PKD1L3: variants seen among roughly 807,000 people sequenced by gnomAD.
PKD1L3 encodes polycystin 1 like 3, transient receptor potential channel interacting.
PKD1L3 carries 239 observed loss-of-function variants against 184.1 expected under a neutral mutation model. The ratio of observed to expected loss-of-function variants is 1.30; its 90% CI spans 1.17 to 1.45. The LOEUF (loss-of-function observed/expected upper bound fraction) is 1.45, where lower values mean the gene tolerates loss of function less well. PKD1L3 is among the 40% of genes most tolerant of loss of function. The pLI is 0.00. For missense variants in PKD1L3, 2,660 were observed against 2,067.2 expected (o/e 1.29, Z -5.56); for synonymous variants, 996 against 778.8 (o/e 1.28, Z -4.64).
intron 5 of PKD1L3, among the ~76,000 whole-genome samples, chr16:71,985,485 C>T (rs1261518660): frequency 6.6e-6 from 1 of 152,186 alleles, no homozygotes; most frequent in Non-Finnish European, 1.5e-5. Context: ...GTGGCACAAT[C>T]ATGGCTCACT....
intron 5 of PKD1L3, among the ~76,000 whole-genome samples, chr16:71,985,203 A>T (rs533557031): frequency 6.6e-6 from 1 of 150,752 alleles, no homozygotes; most frequent in South Asian, 2.1e-4. Context: ...AGAAAAACAA[A>T]AACAAAAACA....
In PKD1L3 at chr16:71,942,745, T is replaced by C; in HGVS notation, c.4139A>G (p.Glu1380Gly). 6.4e-7 allele frequency: 1 copy of C among 1,551,738 alleles called. No individual in the cohort carries two copies. Among genetic ancestry groups the C allele is most frequent in the Non-Finnish European group, 8.7e-7 (1 of 1,147,012 alleles). Residue 1380 changes from glutamate to glycine, a missense_variant, in exon 24 of 30, where the codon GAA becomes GGA. Coordinates refer to ENST00000620267, the MANE Select transcript of PKD1L3 (RefSeq NM_181536.2). The stretch of plus-strand genomic sequence containing the variant: ...GTTATCACAAAACGCCAGCTGACCT[T>C]CGTCCACTTTCTCATAGGTCTTGGT... ...PRTKTYEKVD[E>G]GQLAFCDNGH...
rs111636613 is a variant in PKD1L3 at position 71,947,337 on chromosome 16, C to T, written c.3718+155G>A. ...ATGTGATGACTGAGGTGAAGATCCT[C>T]ATCTGGAAGGGCATTAGTCTTGGGC... On this transcript the variant is annotated intron_variant, in intron 22 of 29. Transcript: ENST00000620267. Among the ~76,000 whole-genome samples the T allele has an allele frequency of 3.9e-5, 6 of 152,228 alleles. 1 individual carries two copies. The highest frequency in any genetic ancestry group is 1.2e-4 in the African/African-American group (5 of 41,546).
At chr16:71,960,230 AG>A (rs2039222526) in intron 16 of PKD1L3, among the ~76,000 whole-genome samples, 1 of 44,326 alleles carries the variant, frequency 2.3e-5, no homozygotes, top group African/African-American at 6.0e-5. Flanking sequence ...AAGTAGATAA[AG>A]GAAAGAGAAT....
chr16:71,941,486 C>T (rs1361016255), intron 24 of PKD1L3, among the ~76,000 whole-genome samples: 1 of 149,280 alleles, frequency 6.7e-6, no homozygotes, highest in African/African-American at 2.5e-5. Context: ...AAAAAGTGAA[C>T]AGAAAAAATG....
rs140436291 is a variant in PKD1L3, at chr16:71,968,143, C to T, written c.2185-136G>A. On this transcript the variant is annotated intron_variant, in intron 13 of 29. Coordinates refer to ENST00000620267, the MANE Select transcript of PKD1L3 (RefSeq NM_181536.2). Reference sequence around the variant, plus strand: ...GCAGAAAGCAGGGCTGAGGTGTGGGCAGCAGACAGACACATGAGCAGACCT... The same window carrying T: ...GCAGAAAGCAGGGCTGAGGTGTGGGTAGCAGACAGACACATGAGCAGACCT... 284 of 659,748 alleles carry T rather than the reference C, an allele frequency of 4.3e-4. 5 individuals are homozygous for T. In the East Asian group the frequency reaches 7.9e-3, roughly 18 times the overall value. The allele number at this position is 659,748 out of a possible 1,614,324, so 40.9% of individuals were successfully genotyped here. A position where few individuals can be genotyped will look rare whatever the true frequency, so the allele number is the denominator to read the frequency against.
rs887871511 is a variant in PKD1L3, at chr16:71,943,987, A to G, written c.3859+43T>C. ...TCTCTCTCTTCCTTTCCCTTCTGGAAAAGGTGCTGTGTTATCAGTATGTTG... is the reference window on the plus strand; with the variant it reads ...TCTCTCTCTTCCTTTCCCTTCTGGAGAAGGTGCTGTGTTATCAGTATGTTG... On this transcript the variant is annotated intron_variant, in intron 23 of 29. Coordinates refer to ENST00000620267, the MANE Select transcript of PKD1L3 (RefSeq NM_181536.2). The G allele has an allele frequency of 4.0e-6, 6 of 1,509,468 alleles. No individual in the cohort carries two copies. The African/African-American group carries it at 7.1e-5, about 18-fold the overall frequency. 93.5% of individuals were successfully genotyped at this position (1,509,468 alleles called of 1,614,324 possible).
chr16:71,968,925 T>A (rs1259301219), intron 13 of PKD1L3, among the ~76,000 whole-genome samples: 1 of 143,576 alleles, frequency 7.0e-6, no homozygotes. Flanking sequence ...TTGATTTACA[T>A]ATAACTTTTT....
chr16:71,933,651 A>G, intron 27 of PKD1L3, 130 bp from the exon 28 acceptor site: 1 of 758,132 alleles, frequency 1.3e-6, no homozygotes, highest in South Asian at 1.7e-5. Context: ...TGCCCAAAGA[A>G]TACATAAACT....
chr16:71,999,075 T>G (rs541876742), intron 1 of PKD1L3, among the ~76,000 whole-genome samples: 2 of 151,822 alleles, frequency 1.3e-5, no homozygotes, highest in Non-Finnish European at 2.9e-5. Flanking sequence ...ATCAAGACCA[T>G]CCTGGCTAAC....
intron 21 of PKD1L3, among the ~76,000 whole-genome samples, chr16:71,949,139 A>G (rs935273398): frequency 6.6e-6 from 1 of 152,242 alleles, no homozygotes; most frequent in Non-Finnish European, 1.5e-5. Context: ...AATGCATTGT[A>G]CTAGTCTCTA....
intron 11 of PKD1L3, among the ~76,000 whole-genome samples, chr16:71,976,997 C>A (rs915958871): frequency 6.6e-6 from 1 of 152,248 alleles, no homozygotes; most frequent in Non-Finnish European, 1.5e-5. Context: ...CCCGCCTCGG[C>A]CTCCCAAAGT....
At chr16:71,965,747 T>C (rs2039479659) in intron 15 of PKD1L3, among the ~76,000 whole-genome samples, 1 of 152,012 alleles carries the variant, frequency 6.6e-6, no homozygotes, top group South Asian at 2.1e-4. Flanking sequence ...AGAGACAGGG[T>C]TTCACCATGT....
intron 16 of PKD1L3, among the ~76,000 whole-genome samples, chr16:71,960,117 C>T (rs1435367265): frequency 2.6e-5 from 4 of 151,086 alleles, no homozygotes; most frequent in Non-Finnish European, 5.9e-5. Context: ...AGCAAGACCC[C>T]ATCTGAAAGA....
rs1462904895 is a variant in PKD1L3, at chr16:71,934,061, C to T, written c.4678G>A (p.Val1560Ile). ...SAATHLVGFPVLLATVQLWNL... is the reference protein window; with the variant it reads ...SAATHLVGFPILLATVQLWNL... ...CATAACTGAACAGTTGCCAGGAGAA[C>T]CGGGAAGCCCACAAGGTGAGTCGCA... is the stretch of plus-strand genomic sequence containing the variant. Residue 1560 changes from valine to isoleucine, a missense_variant, in exon 27 of 30, where the codon GTT becomes ATT. By Grantham distance (29) the Val-to-Ile change is conservative. Transcript: ENST00000620267. The T allele has an allele frequency of 1.3e-6, 2 of 1,551,924 alleles. No homozygotes were observed. Among genetic ancestry groups the T allele is most frequent in the South Asian group, 2.4e-5 (2 of 84,064 alleles).
At chr16:71,945,023 G>A (rs894483514) in intron 22 of PKD1L3, among the ~76,000 whole-genome samples, 12 of 150,522 alleles carry the variant, frequency 8.0e-5, no homozygotes, top group Non-Finnish European at 1.2e-4. Flanking sequence ...CAAAATACAA[G>A]CCCTGTTTTT....
At chr16:71,992,490 C>T (rs2040627625) in intron 3 of PKD1L3, among the ~76,000 whole-genome samples, 1 of 152,156 alleles carries the variant, frequency 6.6e-6, no homozygotes. Flanking sequence ...AACATCATTG[C>T]ATTAATTATC....
At chr16:71,984,624 T>C (rs1374950290) in intron 5 of PKD1L3, among the ~76,000 whole-genome samples, 1 of 152,170 alleles carries the variant, frequency 6.6e-6, no homozygotes, top group Admixed American at 6.5e-5. Flanking sequence ...CTTGGGAGGC[T>C]AAGGCAGGCA....
chr16:71,986,180 G>T (rs2040354414), intron 5 of PKD1L3, 41 bp downstream of exon 5: 1 of 1,544,830 alleles, frequency 6.5e-7, no homozygotes, highest in East Asian at 2.4e-5. Context: ...TACTTTTTGG[G>T]GGTCACAAAG....
Sources: gnomAD v4.1 joint callset for allele counts (sites outside exome capture counted in the v4.1 genomes callset) on GRCh38, gnomAD v4.1.1 for gene constraint, MANE v1.5 for transcripts, NCBI Gene and HGNC (gene_info 2026-07-23, HGNC 2026-07-21) for gene names.